The following PPP2R3A variants were observed in gnomAD, a reference collection of about 807,000 sequenced individuals.
The protein encoded by PPP2R3A is serine/threonine-protein phosphatase 2A regulatory subunit B'' subunit alpha.
PPP2R3A carries 80 observed loss-of-function variants against 106.9 expected under a neutral mutation model. The observed-to-expected ratio is 0.75, with a 90% CI of 0.62 to 0.90. The LOEUF is 0.90. Among genes scored for constraint, PPP2R3A ranks in the 40% least tolerant of loss-of-function variants. PPP2R3A has a pLI of 0.00. For synonymous variants in PPP2R3A, 483 were observed against 468.3 expected (o/e 1.03, Z -0.41); for missense variants, 1,386 against 1,350.4 (o/e 1.03, Z -0.41).
At chr3:136,100,337 C>G (rs1185918976) in intron 10 of PPP2R3A, among the ~76,000 whole-genome samples, 1 of 151,044 alleles carries the variant, frequency 6.6e-6, no homozygotes, top group East Asian at 2.0e-4. Flanking sequence ...TAGTGAGACC[C>G]TGTCTCTACC....
rs1937062721 is a variant in PPP2R3A at position 135,965,795 on chromosome 3, G to A, written c.-495G>A. The A allele has an allele frequency of 6.6e-6, 1 of 152,440 alleles. No individual in the cohort carries two copies. The highest frequency in any genetic ancestry group is 2.4e-5 in the African/African-American group (1 of 41,562). The allele number at this position is 152,440 out of a possible 1,614,324, so 9.4% of individuals were successfully genotyped here. A position where few individuals can be genotyped will look rare whatever the true frequency, so the allele number is the denominator to read the frequency against. On this transcript the variant is annotated 5_prime_UTR_variant, in exon 1 of 14. Transcript: ENST00000264977. ...AGAGTCCGCGCCGCGGGGAGGCTTG[G>A]AGGCAAGCGCTGCCCGCGAGCTGAG...
chr3:136,034,780 G>A (rs1232376178), intron 3 of PPP2R3A, among the ~76,000 whole-genome samples: 1 of 152,106 alleles, frequency 6.6e-6, no homozygotes, highest in Admixed American at 6.5e-5. Flanking sequence ...TTTGTTTATT[G>A]ACTTTCTGTC....
At chr3:136,053,781 TA>T (rs1935762679) in intron 5 of PPP2R3A, among the ~76,000 whole-genome samples, 1 of 152,162 alleles carries the variant, frequency 6.6e-6, no homozygotes, top group Non-Finnish European at 1.5e-5. Context: ...ACACCCACCC[TA>T]AATGCACAGA....
rs1298496604 is a variant in PPP2R3A, at chr3:136,002,882, C to T, written c.1384C>T (p.Pro462Ser). ...ACATGCTACTCATCTTAAAAAATGC[C>T]CCACCCCAATGCAAAATGAAATTGG... ...PEHATHLKKC[P>S]TPMQNEIGKI... Residue 462 changes from proline (P) to serine (S), a missense_variant, in exon 2 of 14, where the codon CCC (proline) becomes TCC (serine). By Grantham distance (74) the Pro-to-Ser change is moderately conservative (BLOSUM62 -1). Coordinates refer to ENST00000264977, the MANE Select transcript of PPP2R3A (RefSeq NM_002718.5). 1.2e-6 allele frequency: 2 copies of T among 1,613,266 alleles called. No individual in the cohort carries two copies. The highest frequency in any genetic ancestry group is 1.7e-6 in the Non-Finnish European group (2 of 1,179,822).
rs1935823598 is a variant in PPP2R3A, at chr3:136,055,305, G to A, written c.2469+5944G>A. On this transcript the variant is annotated intron_variant, in intron 5 of 13. Transcript: ENST00000264977. ...CCTGAGTCTGTTGTGTTGGTGAAAG[G>A]AATCAACATCTTTACATTGCTCAAT... 2.0e-5 allele frequency: 18 copies of A among 898,048 alleles called. No individual in the cohort carries two copies. In the Admixed American group the frequency reaches 3.1e-4, roughly 15 times the overall value. 55.6% of individuals were successfully genotyped at this position (898,048 alleles called of 1,614,324 possible).
intron 7 of PPP2R3A, among the ~76,000 whole-genome samples, chr3:136,081,291 C>T (rs1003088240): frequency 9.2e-5 from 14 of 152,142 alleles, no homozygotes; most frequent in African/African-American, 3.1e-4. Flanking sequence ...ACACCCAGCC[C>T]GCTTATGTTT....
In PPP2R3A at chr3:136,002,777, TTAGA is replaced by T; in HGVS notation, c.1282_1285del (p.Asp428LysfsTer14). 9 of 1,613,178 alleles carry T rather than the reference TTAGA, an allele frequency of 5.6e-6. No individual in the cohort carries two copies. Among genetic ancestry groups the T allele is most frequent in the Non-Finnish European group, 7.6e-6 (9 of 1,179,526 alleles). On this transcript the variant is annotated frameshift_variant, in exon 2 of 14. Coordinates refer to ENST00000264977, the MANE Select transcript of PPP2R3A (RefSeq NM_002718.5). LOFTEE classifies it high-confidence loss of function. ...AGAAGAGTCAGATGGAAAGAAAGCA[TTAGA>T]TAAAGGACAAAAGACAGAGAATGGA... is the stretch of plus-strand genomic sequence containing the variant.
At chr3:135,973,899 T>G (rs1205360983) in intron 1 of PPP2R3A, among the ~76,000 whole-genome samples, 1 of 152,142 alleles carries the variant, frequency 6.6e-6, no homozygotes, top group Admixed American at 6.5e-5. Context: ...TTTTCTACAG[T>G]TATCTAACTC....
chr3:136,058,609 G>T (rs1279268626), intron 5 of PPP2R3A, among the ~76,000 whole-genome samples: 1 of 151,728 alleles, frequency 6.6e-6, no homozygotes, highest in Non-Finnish European at 1.5e-5. Context: ...TATAGATTCA[G>T]TGTTAAACTA....
At chr3:136,041,836 A>C (rs976398523) in intron 4 of PPP2R3A, among the ~76,000 whole-genome samples, 30 of 152,148 alleles carry the variant, frequency 2.0e-4, no homozygotes, top group African/African-American at 6.8e-4. Context: ...TTGAATTCAA[A>C]CCCAACATCT....
At chr3:136,025,554 CTT>C (rs1164962924) in intron 2 of PPP2R3A, among the ~76,000 whole-genome samples, 1 of 152,042 alleles carries the variant, frequency 6.6e-6, no homozygotes, top group African/African-American at 2.4e-5. Context: ...ATGAATAAAT[CTT>C]ATCTCTTTAT....
At chr3:136,132,968 G>T (rs1938483420) in intron 13 of PPP2R3A, among the ~76,000 whole-genome samples, 1 of 152,004 alleles carries the variant, frequency 6.6e-6, no homozygotes, top group Admixed American at 6.6e-5. Flanking sequence ...TTTCAAAAAT[G>T]ATGCTAAAAT....
At chr3:136,053,109 A>G (rs1392266150) in intron 5 of PPP2R3A, among the ~76,000 whole-genome samples, 2 of 152,170 alleles carry the variant, frequency 1.3e-5, no homozygotes, top group Non-Finnish European at 2.9e-5. Flanking sequence ...CAAGGAGACA[A>G]CAGACACTGC....
chr3:136,031,730 A>G (rs917085352), intron 3 of PPP2R3A, among the ~76,000 whole-genome samples: 1 of 152,188 alleles, frequency 6.6e-6, no homozygotes, highest in Non-Finnish European at 1.5e-5. Flanking sequence ...TGACTAGCCA[A>G]TTATCCCAGC....
chr3:136,048,565 T>C (rs1462277761), intron 4 of PPP2R3A, among the ~76,000 whole-genome samples: 1 of 151,342 alleles, frequency 6.6e-6, no homozygotes, highest in Non-Finnish European at 1.5e-5. Context: ...CCAGCTACTC[T>C]GGAGGCTGAG....
At chr3:136,086,551 A>G (rs1309036138) in intron 8 of PPP2R3A, among the ~76,000 whole-genome samples, 2 of 152,168 alleles carry the variant, frequency 1.3e-5, no homozygotes, top group African/African-American at 4.8e-5. Flanking sequence ...ATGATCTTCA[A>G]TTTTAGGAAG....
chr3:136,022,906 A>G, intron 2 of PPP2R3A: 7 of 1,432,520 alleles, frequency 4.9e-6, no homozygotes, highest in Middle Eastern at 2.4e-4. Context: ...ACAAGCATAG[A>G]TTGTGGTCTG....
chr3:136,002,684 C>T lies in PPP2R3A; in HGVS notation c.1186C>T (p.Gln396Ter). The T allele has an allele frequency of 3.1e-6, 5 of 1,613,358 alleles. No individual in the cohort carries two copies. The highest frequency in any genetic ancestry group is 4.2e-6 in the Non-Finnish European group (5 of 1,179,378). ...TCTAAAAGCTGTCCAGGTCCAATCA[C>T]AGTCATTAACCATGAATCCTTTAGA... Reference protein sequence around the residue: ...RTLKAVQVQSQSLTMNPLENV... With the variant: ...RTLKAVQVQS Residue 396 changes from glutamine (Q) to a stop codon, truncating the protein, a stop_gained, in exon 2 of 14, where the codon CAG becomes TAG. Coordinates refer to ENST00000264977, the MANE Select transcript of PPP2R3A (RefSeq NM_002718.5). LOFTEE classifies it high-confidence loss of function.
At chr3:135,990,184 T>A (rs1933100431) in intron 1 of PPP2R3A, among the ~76,000 whole-genome samples, 1 of 152,210 alleles carries the variant, frequency 6.6e-6, no homozygotes, top group Admixed American at 6.6e-5. Flanking sequence ...TACCATTCTT[T>A]GGGATTCTTA....
Sources: allele counts gnomAD v4.1 joint callset (sites outside exome capture counted in the v4.1 genomes callset), GRCh38; gene constraint gnomAD v4.1.1; transcripts MANE v1.5; gene names NCBI Gene and HGNC (gene_info 2026-07-23, HGNC 2026-07-21).